NLGN4X: variants seen among roughly 807,000 people sequenced by gnomAD.
NLGN4X encodes neuroligin-4, X-linked.
In NLGN4X, 3 loss-of-function variants were observed where a neutral mutation model predicts 40.3. The observed-to-expected ratio is 0.07, with a 90% CI of 0.03 to 0.19. The LOEUF is 0.19. Ranked by LOEUF, NLGN4X falls within the 10% of genes least tolerant of loss-of-function variation. NLGN4X has a pLI of 1.00. For synonymous variants in NLGN4X, 270 were observed against 306.8 expected (o/e 0.88, Z 1.25); for missense variants, 382 against 708.3 (o/e 0.54, Z 5.23).
chrX:6,059,360 C>G (rs999154629), intron 2 of NLGN4X, among the ~76,000 whole-genome samples: 1 of 111,961 alleles, frequency 8.9e-6, no homozygotes, highest in African/African-American at 3.2e-5. Flanking sequence ...AACACACCAC[C>G]CCTGACAGCG....
chrX:6,190,791 G>A (rs1336048737), intron 1 of NLGN4X, among the ~76,000 whole-genome samples: 2 of 111,502 alleles, frequency 1.8e-5, no homozygotes, highest in African/African-American at 6.5e-5. Context: ...AGATGCTGGG[G>A]TCATTCAAAT....
chrX:6,007,413 G>A (rs757373938), intron 3 of NLGN4X, among the ~76,000 whole-genome samples: 15 of 111,136 alleles, frequency 1.3e-4, no homozygotes, highest in Middle Eastern at 9.3e-3. Flanking sequence ...TAAAAGCCCC[G>A]ACATCACCAC....
intron 2 of NLGN4X, among the ~76,000 whole-genome samples, chrX:6,093,134 G>A (rs1382730089): frequency 2.7e-5 from 3 of 111,470 alleles, no homozygotes; most frequent in Non-Finnish European, 5.7e-5. Context: ...CCTTGCCAAA[G>A]ACAACCTGTG....
intron 3 of NLGN4X, among the ~76,000 whole-genome samples, chrX:5,981,098 G>C (rs1010240117): frequency 9.0e-6 from 1 of 111,039 alleles, no homozygotes; most frequent in Non-Finnish European, 1.9e-5. Context: ...CTCAGTGACA[G>C]AGTATAGTTT....
chrX:6,016,512 G>T (rs1443136789), intron 3 of NLGN4X, among the ~76,000 whole-genome samples: 1 of 112,232 alleles, frequency 8.9e-6, no homozygotes, highest in Non-Finnish European at 1.9e-5. Context: ...TTTGTGCATT[G>T]ATGGTGAAAA....
At chrX:5,953,859 C>T (rs1158959772) in intron 3 of NLGN4X, among the ~76,000 whole-genome samples, 1 of 111,809 alleles carries the variant, frequency 8.9e-6, no homozygotes. Context: ...ATAGGAGATG[C>T]CCCACGGAAG....
chrX:5,983,004 C>T (rs1262536746), intron 3 of NLGN4X, among the ~76,000 whole-genome samples: 3 of 112,686 alleles, frequency 2.7e-5, no homozygotes, highest in African/African-American at 9.7e-5. Context: ...GGAGTTCTTG[C>T]AGCATCACCA....
intron 2 of NLGN4X, among the ~76,000 whole-genome samples, chrX:6,080,408 A>G (rs1307965178): frequency 1.8e-5 from 2 of 111,522 alleles, no homozygotes; most frequent in Non-Finnish European, 3.8e-5. Flanking sequence ...ACTCCTCTCC[A>G]AGAAAAATCC....
At chrX:5,964,804 C>A (rs2034772964) in intron 3 of NLGN4X, among the ~76,000 whole-genome samples, 1 of 112,241 alleles carries the variant, frequency 8.9e-6, no homozygotes, top group African/African-American at 3.2e-5. Context: ...CAGGCATATG[C>A]CACCACCTGG....
chrX:6,225,676 TCTTTC>T (rs1926157043), intron 1 of NLGN4X, among the ~76,000 whole-genome samples: 1 of 85,783 alleles, frequency 1.2e-5, no homozygotes, highest in Non-Finnish European at 2.3e-5. Context: ...TCCTTTTTTT[TCTTTC>T]TTTTTTTCTT....
intron 2 of NLGN4X, among the ~76,000 whole-genome samples, chrX:6,049,740 G>GC (rs1391245270): frequency 4.1e-5 from 1 of 24,168 alleles, no homozygotes; most frequent in African/African-American, 1.7e-4. Context: ...TGGGGGGGGG[G>GC]GGCGGTCACA....
chrX:5,953,376 G>GA (rs1021349323), intron 3 of NLGN4X, among the ~76,000 whole-genome samples: 11 of 108,085 alleles, frequency 1.0e-4, no homozygotes, highest in African/African-American at 1.3e-4. Flanking sequence ...ACCCTGCCTC[G>GA]AAAAAAAAAT....
chrX:5,964,213 A>G (rs2034751416), intron 3 of NLGN4X, among the ~76,000 whole-genome samples: 1 of 111,799 alleles, frequency 8.9e-6, no homozygotes, highest in South Asian at 3.7e-4. Flanking sequence ...AAATGAGAAG[A>G]ATTCTCCTCC....
chrX:6,149,559 A>G (rs770717260), intron 2 of NLGN4X, among the ~76,000 whole-genome samples: 12 of 111,628 alleles, frequency 1.1e-4, no homozygotes, highest in Non-Finnish European at 2.1e-4. Context: ...AGGGACTGTT[A>G]GGCACGGAGA....
intron 3 of NLGN4X, among the ~76,000 whole-genome samples, chrX:5,952,477 T>C (rs2034345925): frequency 9.1e-6 from 1 of 109,453 alleles, no homozygotes; most frequent in African/African-American, 3.3e-5. Context: ...TGCCTATTTT[T>C]ATATGAGGCT....
intron 2 of NLGN4X, among the ~76,000 whole-genome samples, chrX:6,058,151 T>C: frequency 9.3e-6 from 1 of 107,392 alleles, no homozygotes; most frequent in East Asian, 2.8e-4. Flanking sequence ...CTTTAAAATT[T>C]GTGTATACAT....
At chrX:6,036,501 G>A (rs1357075646) in intron 2 of NLGN4X, among the ~76,000 whole-genome samples, 2 of 110,640 alleles carry the variant, frequency 1.8e-5, no homozygotes, top group East Asian at 2.8e-4. Context: ...GTTCTCTTGA[G>A]TATCTAGTTT....
intron 2 of NLGN4X, among the ~76,000 whole-genome samples, chrX:6,089,575 C>A (rs1483822727): frequency 8.9e-6 from 1 of 112,387 alleles, no homozygotes; most frequent in Admixed American, 9.4e-5. Context: ...TTATCTGCTG[C>A]AGAGAGACAA....
In NLGN4X at chrX:5,892,676, A is replaced by G; in HGVS notation, c.*141T>C. ...CGGGATGGGATGACTGCCTTTTTGC[A>G]TTTTTGTCTTAAGTCAGTGGGACAA... is the stretch of plus-strand genomic sequence containing the variant. On this transcript the variant is annotated 3_prime_UTR_variant, in exon 6 of 6. Transcript: ENST00000381095. 1 of 895,921 alleles carries G rather than the reference A, an allele frequency of 1.1e-6. No individual in the cohort carries two copies. Among genetic ancestry groups the G allele is most frequent in the Non-Finnish European group, 1.6e-6 (1 of 644,439 alleles). The allele number at this position is 895,921 out of a possible 1,213,427, so 73.8% of individuals were successfully genotyped here.
Sources: gnomAD v4.1 joint callset for allele counts (sites outside exome capture counted in the v4.1 genomes callset) on GRCh38, gnomAD v4.1.1 for gene constraint, MANE v1.5 for transcripts, NCBI Gene and HGNC (gene_info 2026-07-23, HGNC 2026-07-21) for gene names.